CCNY: variants seen among roughly 807,000 people sequenced by gnomAD.
CCNY encodes cyclin Y.
Under a neutral mutation model 42.8 loss-of-function variants are expected in CCNY, and 19 were observed. That is an observed-to-expected ratio of 0.44 (90% CI 0.31 to 0.65). The LOEUF (loss-of-function observed/expected upper bound fraction) is 0.65. Among genes scored for constraint, CCNY ranks in the 30% least tolerant of loss-of-function variants. The probability of loss-of-function intolerance (pLI) is 0.07; values close to 1 mark genes in which losing one functional copy is unlikely to be tolerated. For synonymous variants in CCNY, 165 were observed against 162.7 expected (o/e 1.01, Z -0.11); for missense variants, 370 against 437.3 (o/e 0.85, Z 1.37).
intron 3 of CCNY, among the ~76,000 whole-genome samples, chr10:35,267,579 G>A (rs975622417): frequency 3.5e-4 from 53 of 152,312 alleles, no homozygotes; most frequent in African/African-American, 1.2e-3. Context: ...GAGTCTGGCA[G>A]GAAGCCAGAG....
intron 3 of CCNY, among the ~76,000 whole-genome samples, chr10:35,286,229 A>G (rs1223162420): frequency 6.6e-6 from 1 of 151,872 alleles, no homozygotes; most frequent in Non-Finnish European, 1.5e-5. Context: ...TTCCAATTTA[A>G]TTTATGATTT....
intron 7 of CCNY, among the ~76,000 whole-genome samples, chr10:35,540,354 C>T (rs1442607577): frequency 1.3e-5 from 2 of 152,166 alleles, no homozygotes; most frequent in Non-Finnish European, 2.9e-5. Flanking sequence ...GTCTTTTGTT[C>T]TATTAATATG....
chr10:35,482,701 G>A (rs1171534275), intron 1 of CCNY, among the ~76,000 whole-genome samples: 1 of 151,480 alleles, frequency 6.6e-6, no homozygotes, highest in African/African-American at 2.4e-5. Flanking sequence ...CTGGGGTGGG[G>A]GCTCAGTGTT....
intron 3 of CCNY, among the ~76,000 whole-genome samples, chr10:35,254,262 ATATGATTTAAT>A (rs2095714006): frequency 6.6e-6 from 1 of 152,158 alleles, no homozygotes; most frequent in Non-Finnish European, 1.5e-5. Flanking sequence ...CTGAAATTAA[ATATGATTTAAT>A]TAATTCACCA....
chr10:35,322,616 C>G (rs1054936131), intron 3 of CCNY, among the ~76,000 whole-genome samples: 1 of 152,152 alleles, frequency 6.6e-6, no homozygotes, highest in East Asian at 1.9e-4. Context: ...ATCTACATAC[C>G]TGCCAAAGGT....
At chr10:35,350,991 T>A (rs1836417533) in intron 1 of CCNY, among the ~76,000 whole-genome samples, 1 of 152,212 alleles carries the variant, frequency 6.6e-6, no homozygotes, top group African/African-American at 2.4e-5. Context: ...ATTCTTGAAA[T>A]TGAAGGTGCC....
At chr10:35,477,550 CAAT>C (rs1839544401) in intron 1 of CCNY, among the ~76,000 whole-genome samples, 2 of 152,008 alleles carry the variant, frequency 1.3e-5, no homozygotes, top group African/African-American at 4.8e-5. Context: ...GTGATTATCT[CAAT>C]AGATGCAAAG....
chr10:35,285,674 T>C (rs2135057766), intron 3 of CCNY, among the ~76,000 whole-genome samples: 1 of 152,318 alleles, frequency 6.6e-6, no homozygotes, highest in South Asian at 2.1e-4. Context: ...CAGGCTGGTG[T>C]TGAACTCCTG....
At chr10:35,514,075 C>CAAAAAAAAAAAAAAAA (rs11451104) in intron 3 of CCNY, among the ~76,000 whole-genome samples, 1 of 76,180 alleles carries the variant, frequency 1.3e-5, no homozygotes. Flanking sequence ...AGGACCAGTT[C>CAAAAAAAAAAAAAAAA]AAAAAAAAAA....
intron 1 of CCNY, among the ~76,000 whole-genome samples, chr10:35,410,391 T>G (rs1447975100): frequency 6.6e-6 from 1 of 152,150 alleles, no homozygotes; most frequent in African/African-American, 2.4e-5. Context: ...TCTAAGAGAT[T>G]TTTTTCTTTT....
At position 35,254,317 on chromosome 10, in the gene CCNY, C is replaced by A. The variant is rs12242313; in HGVS notation, c.-9+3691C>A. Among the ~76,000 whole-genome samples the A allele has an allele frequency of 8.8e-3, 1,337 of 152,132 alleles. 27 individuals are homozygous for A. The highest frequency in any genetic ancestry group is 0.03 in the African/African-American group (1,265 of 41,492). ...TGTGTTTGCTTGCCTAACAAATGAGCCATTTGGAAATTTATTTTGGCTGCA... is the reference window on the plus strand; with the variant it reads ...TGTGTTTGCTTGCCTAACAAATGAGACATTTGGAAATTTATTTTGGCTGCA... On this transcript the variant is annotated intron_variant, in intron 3 of 11. Transcript: ENST00000374706.
intron 3 of CCNY, among the ~76,000 whole-genome samples, chr10:35,259,210 A>G (rs999850132): frequency 9.2e-5 from 14 of 152,258 alleles, no homozygotes; most frequent in African/African-American, 3.4e-4. Context: ...TCCTCTGTCC[A>G]GGCCTTTGTT....
chr10:35,465,932 AGAGAGAGT>A (rs1426099537), intron 1 of CCNY, among the ~76,000 whole-genome samples: 2 of 137,940 alleles, frequency 1.4e-5, no homozygotes, highest in Non-Finnish European at 3.1e-5. Flanking sequence ...AGAGAGAGAG[AGAGAGAGT>A]GTGTGTGTGT....
chr10:35,370,153 T>A (rs919318129), intron 1 of CCNY, among the ~76,000 whole-genome samples: 1 of 150,722 alleles, frequency 6.6e-6, no homozygotes, highest in African/African-American at 2.4e-5. Context: ...CACATATCCA[T>A]GTTTTTTTTT....
At chr10:35,292,016 CT>C (rs1276151748) in intron 3 of CCNY, among the ~76,000 whole-genome samples, 1 of 152,156 alleles carries the variant, frequency 6.6e-6, no homozygotes, top group Non-Finnish European at 1.5e-5. Context: ...GTTCCAGTTT[CT>C]TCATATATTT....
chr10:35,549,083 T>G, intron 7 of CCNY, among the ~76,000 whole-genome samples: 1 of 149,900 alleles, frequency 6.7e-6, no homozygotes, highest in African/African-American at 2.5e-5. Context: ...GCCAACTCCG[T>G]GCCCCTCACC....
At chr10:35,339,068 T>A (rs1037145459) in intron 1 of CCNY, among the ~76,000 whole-genome samples, 3 of 152,204 alleles carry the variant, frequency 2.0e-5, no homozygotes, top group African/African-American at 7.2e-5. Flanking sequence ...ATAGGGCAGG[T>A]TTCCAATCTA....
chr10:35,382,757 A>G (rs1837216212), intron 1 of CCNY, among the ~76,000 whole-genome samples: 1 of 152,236 alleles, frequency 6.6e-6, no homozygotes, highest in African/African-American at 2.4e-5. Flanking sequence ...AAAATGGGAA[A>G]AATAACAGCA....
chr10:35,441,765 C>A (rs929997058), intron 1 of CCNY, among the ~76,000 whole-genome samples: 3 of 152,006 alleles, frequency 2.0e-5, no homozygotes, highest in Non-Finnish European at 4.4e-5. Context: ...AAAGAAAAAG[C>A]AGTAGGTTAT....
Sources: gnomAD v4.1 joint callset for allele counts (sites outside exome capture counted in the v4.1 genomes callset) on GRCh38, gnomAD v4.1.1 for gene constraint, MANE v1.5 for transcripts, NCBI Gene and HGNC (gene_info 2026-07-23, HGNC 2026-07-21) for gene names.